BIRC7: variants seen among roughly 807,000 people sequenced by gnomAD.
The protein encoded by BIRC7 is baculoviral IAP repeat containing 7.
Under a neutral mutation model 33.2 loss-of-function variants are expected in BIRC7, and 26 were observed. The observed-to-expected ratio is 0.78, with a 90% CI of 0.57 to 1.09. The LOEUF (loss-of-function observed/expected upper bound fraction) is 1.09, where lower values mean the gene tolerates loss of function less well. Ranked by LOEUF, BIRC7 falls within the 50% of genes least tolerant of loss-of-function variation. BIRC7 has a pLI of 0.00. For synonymous variants in BIRC7, 176 were observed against 171.0 expected, an observed-to-expected ratio of 1.03 and a Z score of -0.23; for missense variants, 409 against 401.2, an observed-to-expected ratio of 1.02 and a Z score of -0.17.
chr20:63,237,799 G>C, intron 1 of BIRC7, 104 bp from the exon 2 acceptor site: 13 of 960,790 alleles, frequency 1.4e-5, no homozygotes, highest in Non-Finnish European at 1.9e-5. Context: ...CTTGCCACCT[G>C]GGAGCTCCCC....
Position 63,239,340 on chromosome 20 carries a change from G to A in BIRC7, c.650-18G>A, listed in dbSNP as rs756386842. Reference sequence around the variant, plus strand: ...GGGGGCCAGGGTGTGGGGACATTTCGCAGGCCTGTCCTCCTAGGAGGGGTC... The same window carrying A: ...GGGGGCCAGGGTGTGGGGACATTTCACAGGCCTGTCCTCCTAGGAGGGGTC... On this transcript the variant is annotated intron_variant, in intron 5 of 6. Coordinates refer to ENST00000217169, the MANE Select transcript of BIRC7 (RefSeq NM_139317.3). 19 of 1,602,254 alleles carry A rather than the reference G, an allele frequency of 1.2e-5. No individual in the cohort carries two copies. Among genetic ancestry groups the A allele is most frequent in the East Asian group, 4.5e-5 (2 of 44,854 alleles).
rs1387445825 is a variant in BIRC7 at position 63,236,117 on chromosome 20, C to G, written c.21C>G (p.Ala7=). Residue 7 remains alanine (A), a synonymous_variant, in exon 1 of 7, where the codon GCC becomes GCG. Transcript: ENST00000217169. MGPKDS[A]KCLHRGPQPS... is the part of the protein sequence containing the mutation. ...CCTCCATGGGACCTAAAGACAGTGC[C>G]AAGTGCCTGCACCGTGGACCACAGC... 2 of 1,564,340 alleles carry G rather than the reference C, an allele frequency of 1.3e-6. No homozygotes were observed. Among genetic ancestry groups the G allele is most frequent in the East Asian group, 4.7e-5 (2 of 42,334 alleles).
At chr20:63,237,356 A>G (rs879718271) in intron 1 of BIRC7, among the ~76,000 whole-genome samples, 2 of 152,214 alleles carry the variant, frequency 1.3e-5, no homozygotes, top group Non-Finnish European at 2.9e-5. Context: ...GATGCAGCCC[A>G]AACCTGTGAT....
chr20:63,238,138 G>A (rs1289536042), intron 2 of BIRC7, 136 bp downstream of exon 2: 4 of 959,330 alleles, frequency 4.2e-6, no homozygotes, highest in Admixed American at 2.9e-5. Flanking sequence ...TCTGTGGGAG[G>A]TGCTTCTGGC....
In BIRC7 at chr20:63,239,165, C is replaced by T. The variant is rs751533808; in HGVS notation, c.581C>T (p.Pro194Leu). The change falls in exon 5 of 7, where the codon CCT becomes CTT. Residue 194 changes from proline to leucine, a missense_variant. Coordinates refer to ENST00000217169, the MANE Select transcript of BIRC7 (RefSeq NM_139317.3). Reference sequence around the variant, plus strand: ...AGTCTATCCTAACTGTCCACAGTCCCTGCCTCTGGGTACCCTGAGCTGCCC... The same window carrying T: ...AGTCTATCCTAACTGTCCACAGTCCTTGCCTCTGGGTACCCTGAGCTGCCC... ...EDAAPVAPSV[P>L]ASGYPELPTP... 1.2e-6 allele frequency: 2 copies of T among 1,612,654 alleles called. No individual in the cohort carries two copies. Among genetic ancestry groups the T allele is most frequent in the Non-Finnish European group, 1.7e-6 (2 of 1,179,908 alleles).
intron 6 of BIRC7, 56 bp downstream of exon 6, chr20:63,239,666 G>T: frequency 6.6e-7 from 1 of 1,522,066 alleles, no homozygotes; most frequent in African/African-American, 1.4e-5. Flanking sequence ...GCCCTGAGCC[G>T]GCTGTGCCCG....
intron 6 of BIRC7, among the ~76,000 whole-genome samples, chr20:63,240,045 A>G (rs2123032831): frequency 6.6e-6 from 1 of 152,344 alleles, no homozygotes; most frequent in South Asian, 2.1e-4. Flanking sequence ...ACCTGTTCTT[A>G]GAGAAGTGGG....
intron 6 of BIRC7, 28 bp from the exon 7 acceptor site, chr20:63,240,228 G>A (rs1032949861): frequency 1.3e-5 from 2 of 154,912 alleles, no homozygotes; most frequent in African/African-American, 4.8e-5. Flanking sequence ...GGTTGCCATT[G>A]ACTCACCCAC....
chr20:63,236,171 C>A lies in BIRC7; in HGVS notation c.75C>A (p.Pro25=). Residue 25 remains proline, a synonymous_variant, in exon 1 of 7, where the codon CCC becomes CCA. Coordinates refer to ENST00000217169, the MANE Select transcript of BIRC7 (RefSeq NM_139317.3). ...QPSHWAAGDG[P]TQERCGPRSL... is the part of the protein sequence containing the mutation. ...GCCACTGGGCAGCCGGTGATGGTCC[C>A]ACGCAGGAGCGCTGTGGACCCCGCT... The A allele has an allele frequency of 6.3e-7, 1 of 1,590,938 alleles. No individual in the cohort carries two copies.
At chr20:63,238,987 C>G (rs1384300785) in intron 4 of BIRC7, 175 bp from the exon 5 acceptor site, 2 of 720,226 alleles carry the variant, frequency 2.8e-6, no homozygotes, top group Non-Finnish European at 4.6e-6. Flanking sequence ...CTCCAGGAAG[C>G]CTCTGGATCC....
At position 63,236,111 on chromosome 20, in the gene BIRC7, C is replaced by G; in HGVS notation, c.15C>G (p.Asp5Glu). MGPK[D>E]SAKCLHRGPQ... The stretch of plus-strand genomic sequence containing the variant: ...GTGTTCCCTCCATGGGACCTAAAGA[C>G]AGTGCCAAGTGCCTGCACCGTGGAC... Residue 5 changes from aspartate to glutamate, a missense_variant, in exon 1 of 7, where the codon GAC (aspartate) becomes GAG (glutamate). Transcript: ENST00000217169. The G allele has an allele frequency of 1.3e-6, 2 of 1,558,636 alleles. No homozygotes were observed. The highest frequency in any genetic ancestry group is 1.7e-6 in the Non-Finnish European group (2 of 1,146,130).
intron 1 of BIRC7, among the ~76,000 whole-genome samples, chr20:63,237,529 T>G (rs1364280753): frequency 6.6e-6 from 1 of 152,086 alleles, no homozygotes; most frequent in Non-Finnish European, 1.5e-5. Context: ...TTCTTCTCAC[T>G]GGGAATCCAT....
In BIRC7 at chr20:63,239,387, G is replaced by A. The variant is rs199537462; in HGVS notation, c.679G>A (p.Ala227Thr). ...GGTCAGTCCAGCCGAGGCCCAGAGG[G>A]CGTGGTGGGTTCTTGAGCCCCCAGG... ...GGVSPAEAQR[A>T]WWVLEPPGAR... is the part of the protein sequence containing the mutation. Residue 227 changes from alanine to threonine, a missense_variant, in exon 6 of 7, where the codon GCG becomes ACG. Transcript: ENST00000217169. 1.3e-4 allele frequency: 202 copies of A among 1,604,360 alleles called. No homozygotes were observed. The highest frequency in any genetic ancestry group is 1.6e-4 in the Non-Finnish European group (185 of 1,179,734).
In BIRC7 at chr20:63,237,978, C is replaced by T. The variant is rs750124389; in HGVS notation, c.425C>T (p.Thr142Met). The T allele has an allele frequency of 1.5e-5, 24 of 1,604,760 alleles. No homozygotes were observed. Among genetic ancestry groups the T allele is most frequent in the East Asian group, 2.2e-5 (1 of 44,614 alleles). Residue 142 changes from threonine to methionine, a missense_variant, in exon 2 of 7, where the codon ACG becomes ATG. Thr to Met is a moderately conservative substitution (Grantham distance 81). Transcript: ENST00000217169. The stretch of plus-strand genomic sequence containing the variant: ...TGGAAGCGCGGGGACGACCCCTGGA[C>T]GGAGCATGCCAAGTGGTTCCCCAGG... ...QSWKRGDDPW[T>M]EHAKWFPSCQ...
At chr20:63,239,335 A>G (rs1194034402) in intron 5 of BIRC7, 23 bp from the exon 6 acceptor site, 1 of 1,602,336 alleles carries the variant, frequency 6.2e-7, no homozygotes, top group African/African-American at 1.3e-5. Context: ...GTGTGGGGAC[A>G]TTTCGCAGGC....
In BIRC7 at chr20:63,235,997, C is replaced by T. The variant is rs984593320; in HGVS notation, c.-100C>T. ...TCCCTGCTGTCCCCAGGGTGGGCCC[C>T]GGGGGTCAGGAGCTCCAGAAGGGCC... On this transcript the variant is annotated 5_prime_UTR_variant, in exon 1 of 7. Coordinates refer to ENST00000217169, the MANE Select transcript of BIRC7 (RefSeq NM_139317.3). 5.0e-6 allele frequency: 7 copies of T among 1,409,856 alleles called. No homozygotes were observed. Among genetic ancestry groups the T allele is most frequent in the South Asian group, 3.0e-5 (2 of 67,584 alleles). 87.3% of individuals were successfully genotyped at this position (1,409,856 alleles called of 1,614,324 possible).
intron 4 of BIRC7, 53 bp from the exon 5 acceptor site, chr20:63,239,109 G>A (rs951842598): frequency 1.3e-6 from 2 of 1,573,118 alleles, no homozygotes; most frequent in East Asian, 4.5e-5. Context: ...ATCTGGGCCG[G>A]CCCAGCTTTC....
rs1353339229 is a variant in BIRC7, at chr20:63,238,608, C to G, written c.571C>G (p.Pro191Ala). 1.2e-6 allele frequency: 2 copies of G among 1,612,740 alleles called. No homozygotes were observed. The highest frequency in any genetic ancestry group is 3.3e-5 in the Admixed American group (2 of 59,998). ...EEPEDAAPVA[P>A]SVPASGYPEL... ...ACCGGAAGACGCAGCCCCTGTGGCC[C>G]CCTCCGGTGAGAGCTGACACCACCC... Residue 191 changes from proline to alanine, a missense_variant, in exon 4 of 7, where the codon CCC (proline) becomes GCC (alanine). By Grantham distance (27) the Pro-to-Ala change is conservative (BLOSUM62 -1). Coordinates refer to ENST00000217169, the MANE Select transcript of BIRC7 (RefSeq NM_139317.3).
chr20:63,239,700 C>G (rs1396657123), intron 6 of BIRC7, 90 bp downstream of exon 6: 3 of 1,437,288 alleles, frequency 2.1e-6, no homozygotes, highest in Non-Finnish European at 2.7e-6. Flanking sequence ...CATGCAGGCC[C>G]TTCCCGGGTG....
Sources: gnomAD v4.1 joint callset for allele counts (sites outside exome capture counted in the v4.1 genomes callset) on GRCh38, gnomAD v4.1.1 for gene constraint, MANE v1.5 for transcripts, NCBI Gene and HGNC (gene_info 2026-07-23, HGNC 2026-07-21) for gene names.